The following ABTB2 variants were observed in gnomAD, a reference collection of about 807,000 sequenced individuals.
ABTB2 encodes ankyrin repeat and BTB/POZ domain-containing protein 2.
Under a neutral mutation model 104.1 loss-of-function variants are expected in ABTB2, and 56 were observed. The observed-to-expected ratio is 0.54, with a 90% CI of 0.43 to 0.67. The LOEUF is 0.67. Ranked by LOEUF, ABTB2 falls within the 30% of genes least tolerant of loss-of-function variation. ABTB2 has a pLI of 0.00. For synonymous variants in ABTB2, 606 were observed against 608.2 expected (o/e 1.00, Z 0.05); for missense variants, 1,279 against 1,407.7 (o/e 0.91, Z 1.46).
intron 1 of ABTB2, among the ~76,000 whole-genome samples, chr11:34,324,838 G>A (rs1336628620): frequency 6.6e-6 from 1 of 152,224 alleles, no homozygotes; most frequent in Non-Finnish European, 1.5e-5. Context: ...CAAAGCAGGA[G>A]TCAGAGGCCT....
intron 4 of ABTB2, 24 bp downstream of exon 4, chr11:34,173,131 C>CCCTCCCT: frequency 6.2e-7 from 1 of 1,613,146 alleles, no homozygotes; most frequent in Non-Finnish European, 8.5e-7. Context: ...GATGCCGGGG[C>CCCTCCCT]CCTCCCTCCT....
In ABTB2 at chr11:34,192,190, G is replaced by A. The variant is rs183652292; in HGVS notation, c.1244+5135C>T. Among the ~76,000 whole-genome samples, 296 of 152,268 alleles carry A rather than the reference G, an allele frequency of 1.9e-3. 1 individual carries two copies. The highest frequency in any genetic ancestry group is 6.3e-3 in the African/African-American group (262 of 41,540). On this transcript the variant is annotated intron_variant, in intron 3 of 16. Coordinates refer to ENST00000435224, the MANE Select transcript of ABTB2 (RefSeq NM_145804.3). The stretch of plus-strand genomic sequence containing the variant: ...CATCTGTGGTCCCAGCTACTGGGGG[G>A]GCTGAGGTGGGAGGATTGCATGAGC...
At chr11:34,198,247 A>C (rs968289749) in intron 2 of ABTB2, among the ~76,000 whole-genome samples, 1 of 152,172 alleles carries the variant, frequency 6.6e-6, no homozygotes, top group Non-Finnish European at 1.5e-5. Flanking sequence ...CAACATGGTG[A>C]AACCCTGTCT....
At chr11:34,213,694 C>G (rs1421013905) in intron 1 of ABTB2, among the ~76,000 whole-genome samples, 2 of 152,244 alleles carry the variant, frequency 1.3e-5, no homozygotes, top group Non-Finnish European at 2.9e-5. Flanking sequence ...TAATAAAATG[C>G]CATCTGCTCA....
intron 1 of ABTB2, among the ~76,000 whole-genome samples, chr11:34,350,023 TG>T (rs1212492740): frequency 6.6e-6 from 1 of 152,148 alleles, no homozygotes; most frequent in Non-Finnish European, 1.5e-5. Flanking sequence ...CACAACCGCA[TG>T]TGTACAAGCC....
Position 34,152,495 on chromosome 11 carries a change from C to A in ABTB2, c.2970G>T (p.Gln990His). ...KALLEQDAFR[Q>H]LIYGRSSKVQ... The stretch of plus-strand genomic sequence containing the variant: ...CTTTGCTGCTGCGGCCGTAGATGAG[C>A]TGCCGGAAGGCATCCTGCTCCAGTA... The change falls in exon 17 of 17, where the codon CAG (glutamine) becomes CAT (histidine). Residue 990 changes from glutamine to histidine, a missense_variant. Physicochemically the swap from Gln to His is conservative, Grantham distance 24. Coordinates refer to ENST00000435224, the MANE Select transcript of ABTB2 (RefSeq NM_145804.3). 1.2e-6 allele frequency: 2 copies of A among 1,609,634 alleles called. No individual in the cohort carries two copies. The highest frequency in any genetic ancestry group is 1.7e-6 in the Non-Finnish European group (2 of 1,178,772).
intron 1 of ABTB2, among the ~76,000 whole-genome samples, chr11:34,225,484 G>C: frequency 6.6e-6 from 1 of 152,148 alleles, no homozygotes; most frequent in Non-Finnish European, 1.5e-5. Flanking sequence ...AGCCAGGCGC[G>C]GTGGCTCATG....
rs180735602 is a variant in ABTB2 at position 34,225,933 on chromosome 11, G to A, written c.884-21243C>T. 4.6e-5 allele frequency among the ~76,000 whole-genome samples: 7 copies of A among 152,134 alleles called. No homozygotes were observed. In the East Asian group the frequency reaches 1.4e-3, roughly 30 times the overall value. On this transcript the variant is annotated intron_variant, in intron 1 of 16. Transcript: ENST00000435224. ...AGAAGCCGCTATCAAGCCAGGTGCG[G>A]TGGCTCACGCCTGTAATCCCAGCAC...
At chr11:34,351,905 G>T (rs1855403719) in intron 1 of ABTB2, among the ~76,000 whole-genome samples, 2 of 151,660 alleles carry the variant, frequency 1.3e-5, no homozygotes, top group African/African-American at 4.9e-5. Context: ...ACTACTTAAG[G>T]CTAGGGTTGC....
At chr11:34,326,129 C>T (rs991713690) in intron 1 of ABTB2, among the ~76,000 whole-genome samples, 1 of 152,014 alleles carries the variant, frequency 6.6e-6, no homozygotes, top group Non-Finnish European at 1.5e-5. Flanking sequence ...CTAGCAGTCT[C>T]CTACAATGTT....
chr11:34,176,645 AAAAC>A (rs538683914), intron 3 of ABTB2, among the ~76,000 whole-genome samples: 10 of 152,236 alleles, frequency 6.6e-5, no homozygotes, highest in East Asian at 1.9e-4. Context: ...GTGTCTCAAG[AAAAC>A]AAACAAACAA....
At position 34,239,875 on chromosome 11, in the gene ABTB2, T is replaced by A. The variant is rs566604058; in HGVS notation, c.884-35185A>T. Among the ~76,000 whole-genome samples the A allele has an allele frequency of 2.0e-5, 3 of 152,300 alleles. No individual in the cohort carries two copies. The South Asian group carries it at 6.2e-4, about 32-fold the overall frequency. On this transcript the variant is annotated intron_variant, in intron 1 of 16. Coordinates refer to ENST00000435224, the MANE Select transcript of ABTB2 (RefSeq NM_145804.3). Reference sequence around the variant, plus strand: ...CACTCCTGGCAGGAAGACATTCTAGTTCATTCAAATGGACTGTCTTCCCAA... The same window carrying A: ...CACTCCTGGCAGGAAGACATTCTAGATCATTCAAATGGACTGTCTTCCCAA...
intron 1 of ABTB2, among the ~76,000 whole-genome samples, chr11:34,297,393 A>T (rs1410032172): frequency 6.6e-6 from 1 of 152,226 alleles, no homozygotes; most frequent in East Asian, 1.9e-4. Context: ...AAACAAAAAC[A>T]TACCCCTACT....
chr11:34,196,129 G>A (rs529066960), intron 3 of ABTB2, among the ~76,000 whole-genome samples: 3 of 152,296 alleles, frequency 2.0e-5, no homozygotes, highest in African/African-American at 7.2e-5. Context: ...CTTACCTTAA[G>A]TGGCCAAGCA....
intron 1 of ABTB2, among the ~76,000 whole-genome samples, chr11:34,238,953 C>G (rs1325090119): frequency 6.6e-6 from 1 of 152,162 alleles, no homozygotes; most frequent in Non-Finnish European, 1.5e-5. Flanking sequence ...CGGGGTTTCA[C>G]CATGTTAGCC....
rs192496986 is a variant in ABTB2, at chr11:34,327,596, A to G, written c.883+29105T>C. 1.8e-3 allele frequency among the ~76,000 whole-genome samples: 268 copies of G among 152,322 alleles called. 2 individuals carry two copies. Among genetic ancestry groups the G allele is most frequent in the African/African-American group, 5.9e-3 (245 of 41,576 alleles). On this transcript the variant is annotated intron_variant, in intron 1 of 16. Coordinates refer to ENST00000435224, the MANE Select transcript of ABTB2 (RefSeq NM_145804.3). ...GTCAGGGACCTTGTTGGAAAAAGTC[A>G]TCCTCAGCCCAGGATTACATACTCC...
At chr11:34,155,575 T>C (rs1852613330) in intron 14 of ABTB2, among the ~76,000 whole-genome samples, 1 of 152,192 alleles carries the variant, frequency 6.6e-6, no homozygotes, top group African/African-American at 2.4e-5. Flanking sequence ...GGCAAGTGTG[T>C]AAGTAAACAC....
chr11:34,207,190 G>C (rs531180695), intron 1 of ABTB2, among the ~76,000 whole-genome samples: 4 of 152,348 alleles, frequency 2.6e-5, no homozygotes, highest in African/African-American at 9.6e-5. Context: ...GTGCAGGCCT[G>C]ACTCCTCCTC....
rs150668402 is a variant in ABTB2, at chr11:34,167,690, C to T, written c.1653+213G>A. ...GAATCACAGCCCATCTCTCCACTCA[C>T]TCCCGCCTCAGTCCACTCCTTTTCA... On this transcript the variant is annotated intron_variant, in intron 6 of 16. Coordinates refer to ENST00000435224, the MANE Select transcript of ABTB2 (RefSeq NM_145804.3). Among the ~76,000 whole-genome samples the T allele has an allele frequency of 1.8e-4, 27 of 152,364 alleles. 1 individual carries two copies. Among genetic ancestry groups the T allele is most frequent in the Middle Eastern group, 6.8e-3 (2 of 294 alleles).
Sources: allele counts gnomAD v4.1 joint callset (sites outside exome capture counted in the v4.1 genomes callset), GRCh38; gene constraint gnomAD v4.1.1; transcripts MANE v1.5; gene names NCBI Gene and HGNC (gene_info 2026-07-23, HGNC 2026-07-21).